Variants in IP6K3 observed in about 807,000 individuals in gnomAD.
IP6K3 encodes the protein inositol hexakisphosphate kinase 3, also known as ATP:1D-myo-inositol-hexakisphosphate phosphotransferase.
IP6K3 carries 20 observed loss-of-function variants against 28.8 expected under a neutral mutation model. That is an observed-to-expected ratio of 0.70 (90% CI 0.49 to 1.01). The LOEUF (loss-of-function observed/expected upper bound fraction) is 1.01. IP6K3 is among the 50% of genes least tolerant of loss of function. The pLI, the probability that IP6K3 is intolerant of heterozygous loss-of-function variation, is 0.00. For missense variants in IP6K3, 480 were observed against 537.1 expected, an observed-to-expected ratio of 0.89 and a Z score of 1.05; for synonymous variants, 213 against 221.3, an observed-to-expected ratio of 0.96 and a Z score of 0.33.
chr6:33,743,265 CT>C (rs942916612), intron 1 of IP6K3, among the ~76,000 whole-genome samples: 2 of 152,156 alleles, frequency 1.3e-5, no homozygotes, highest in African/African-American at 4.8e-5. Flanking sequence ...TAAGAAACAG[CT>C]TGTAGCAAAA....
At chr6:33,738,869 TCCCA>T (rs1582221214) in intron 1 of IP6K3, among the ~76,000 whole-genome samples, 1 of 152,272 alleles carries the variant, frequency 6.6e-6, no homozygotes, top group East Asian at 1.9e-4. Flanking sequence ...CTGTCCCCTA[TCCCA>T]CTTGATGACA....
chr6:33,735,501 G>A lies in IP6K3; in HGVS notation c.-25C>T. ...TGGCGGCAGATGGTGGTGGTGGGGG[G>A]TCCCTGCACAGTCTGCTAGAGGAAG... On this transcript the variant is annotated 5_prime_UTR_variant, in exon 2 of 6. Transcript: ENST00000293756. 6.2e-7 allele frequency: 1 copy of A among 1,602,184 alleles called. No individual in the cohort carries two copies. The highest frequency in any genetic ancestry group is 8.5e-7 in the Non-Finnish European group (1 of 1,178,636).
intron 3 of IP6K3, among the ~76,000 whole-genome samples, chr6:33,727,135 T>C (rs1005059239): frequency 6.6e-6 from 1 of 152,144 alleles, no homozygotes; most frequent in Non-Finnish European, 1.5e-5. Context: ...GAGAACTTAT[T>C]AGAACATGTT....
At position 33,744,073 on chromosome 6, in the gene IP6K3, G is replaced by A. The variant is rs192331424; in HGVS notation, c.-180+2685C>T. 1.9e-3 allele frequency among the ~76,000 whole-genome samples: 285 copies of A among 152,282 alleles called. 2 individuals carry two copies. The highest frequency in any genetic ancestry group is 6.5e-3 in the African/African-American group (269 of 41,554). On this transcript the variant is annotated intron_variant, in intron 1 of 5. Coordinates refer to ENST00000293756, the MANE Select transcript of IP6K3 (RefSeq NM_054111.5). This position sits in a 1 kb window ranked among gnomAD's most constrained non-coding sequence, Gnocchi z 4.4. ...GAAGTCAAGTGCCACTGGAAGGGCTGCTCTGGGGGAGGCAGAGGCTGCGAG... is the reference window on the plus strand; with the variant it reads ...GAAGTCAAGTGCCACTGGAAGGGCTACTCTGGGGGAGGCAGAGGCTGCGAG...
In IP6K3 at chr6:33,725,500, T is replaced by C. The variant is rs775163435; in HGVS notation, c.706A>G (p.Met236Val). ...GAGGTGCTCTGCGCACACTTCCTCA[T>C]GTGGCGGGCCTTCTTCTCCTCCGAT... The part of the protein sequence containing the change: ...DASEEKKARH[M>V]RKCAQSTSAC... The change falls in exon 5 of 6, where the codon ATG (methionine) becomes GTG (valine). Residue 236 changes from methionine (M) to valine (V), a missense_variant. Coordinates refer to ENST00000293756, the MANE Select transcript of IP6K3 (RefSeq NM_054111.5). 4.3e-6 allele frequency: 7 copies of C among 1,613,992 alleles called. No individual in the cohort carries two copies. The highest frequency in any genetic ancestry group is 5.9e-6 in the Non-Finnish European group (7 of 1,180,046).
In IP6K3 at chr6:33,726,769, G is replaced by A. The variant is rs902597106; in HGVS notation, c.551C>T (p.Thr184Ile). 2.5e-6 allele frequency: 4 copies of A among 1,605,798 alleles called. No homozygotes were observed. Among genetic ancestry groups the A allele is most frequent in the Admixed American group, 1.7e-5 (1 of 59,736 alleles). ...WGLQCHQAHL[T>I]RLCSEYPENK... ...CTCTGGGTACTCGGAGCACAGGCGG[G>A]TCAGGTGGGCCTGGTGGCATTGCAG... Residue 184 changes from threonine (T) to isoleucine (I), a missense_variant, in exon 4 of 6, where the codon ACC becomes ATC. Thr to Ile is a moderately conservative substitution (Grantham distance 89). Coordinates refer to ENST00000293756, the MANE Select transcript of IP6K3 (RefSeq NM_054111.5).
Position 33,728,295 on chromosome 6 carries a change from C to A in IP6K3, c.205G>T (p.Val69Phe), listed in dbSNP as rs766496518. The A allele has an allele frequency of 6.2e-7, 1 of 1,614,082 alleles. No homozygotes were observed. Among genetic ancestry groups the A allele is most frequent in the African/African-American group, 1.3e-5 (1 of 75,036 alleles). ...CTGTCTTTCCAGAGGTGCACTGTGACGGTACCTGCAAACACACAGGGAAGG... is the reference window on the plus strand; with the variant it reads ...CTGTCTTTCCAGAGGTGCACTGTGAAGGTACCTGCAAACACACAGGGAAGG... ...KRFTPQYKGT[V>F]TVHLWKDSTG... Residue 69 changes from valine (V) to phenylalanine (F), a missense_variant, in exon 3 of 6, where the codon GTC becomes TTC. Coordinates refer to ENST00000293756, the MANE Select transcript of IP6K3 (RefSeq NM_054111.5).
intron 2 of IP6K3, among the ~76,000 whole-genome samples, chr6:33,730,206 A>G (rs1293006994): frequency 6.6e-6 from 1 of 152,130 alleles, no homozygotes; most frequent in East Asian, 1.9e-4. Context: ...AAGGCGGCTC[A>G]TCTCTCGGCT....
chr6:33,749,640 G>A (rs1201636231), upstream of IP6K3, among the ~76,000 whole-genome samples: 3 of 151,366 alleles, frequency 2.0e-5, no homozygotes, highest in Non-Finnish European at 3.0e-5. Context: ...GGCCGTGTGT[G>A]TGTGTGTGCG....
chr6:33,722,894 G>A lies in IP6K3; in HGVS notation c.1059C>T (p.His353=), dbSNP rs752212391. ...PHPHEAPQAA[H]GSSPGGLTKV... ...TGGTGAGACCACCGGGAGAGCTACC[G>A]TGGGCTGCCTGGGGAGCCTCGTGAG... Residue 353 remains histidine, a synonymous_variant, in exon 6 of 6, where the codon CAC becomes CAT. Coordinates refer to ENST00000293756, the MANE Select transcript of IP6K3 (RefSeq NM_054111.5). 6 of 1,614,044 alleles carry A rather than the reference G, an allele frequency of 3.7e-6. No homozygotes were observed. Among genetic ancestry groups the A allele is most frequent in the South Asian group, 3.3e-5 (3 of 91,076 alleles).
At position 33,730,092 on chromosome 6, in the gene IP6K3, A is replaced by C. The variant is rs189137797; in HGVS notation, c.200-1792T>G. Among the ~76,000 whole-genome samples, 403 of 152,200 alleles carry C rather than the reference A, an allele frequency of 2.6e-3. 1 individual carries two copies. Among genetic ancestry groups the C allele is most frequent in the African/African-American group, 9.0e-3 (372 of 41,510 alleles). On this transcript the variant is annotated intron_variant, in intron 2 of 5. Coordinates refer to ENST00000293756, the MANE Select transcript of IP6K3 (RefSeq NM_054111.5). ...TTTTCTGCTGGGCCCTGACCGAAAG[A>C]GGGTAGGCCGCATGTTTTTATGTCC...
chr6:33,733,166 A>G (rs1766376368), intron 2 of IP6K3, among the ~76,000 whole-genome samples: 1 of 152,198 alleles, frequency 6.6e-6, no homozygotes, highest in Admixed American at 6.5e-5. Flanking sequence ...GCTTATATAG[A>G]AACATCATCT....
intron 2 of IP6K3, among the ~76,000 whole-genome samples, chr6:33,729,811 T>G (rs972801286): frequency 2.6e-5 from 4 of 152,140 alleles, no homozygotes; most frequent in African/African-American, 9.7e-5. Context: ...CCTCCCGGGT[T>G]CAAGCAGTTC....
At chr6:33,758,660 C>T in the IP6K3 span, among the ~76,000 whole-genome samples, 2,928 of 152,242 alleles carry the variant, frequency 0.019, 44 homozygotes, top group South Asian at 0.051. Flanking sequence ...AGTGCAGTGG[C>T]GCGAACTTGG....
chr6:33,721,992 G>C lies in IP6K3; in HGVS notation c.*728C>G. On this transcript the variant is annotated 3_prime_UTR_variant, in exon 6 of 6. Transcript: ENST00000293756. ...CGCGTCTCATGGTCAGAATGTGGCA[G>C]AATGGGGAACTCCAAAGTCTGCTAA... The C allele has an allele frequency of 6.6e-6, 1 of 152,398 alleles. No homozygotes were observed. The allele number at this position is 152,398 out of a possible 1,614,324, so 9.4% of individuals were successfully genotyped here.
chr6:33,748,851 G>GT (rs969022438), upstream of IP6K3, among the ~76,000 whole-genome samples: 6 of 147,710 alleles, frequency 4.1e-5, no homozygotes, highest in African/African-American at 1.6e-4. Context: ...CTGGTTTAAA[G>GT]TGGGGTGGGG....
rs1765958458 is a variant in IP6K3, at chr6:33,722,906, G to A, written c.1047C>T (p.Pro349=). Residue 349 remains proline (P), a synonymous_variant, in exon 6 of 6, where the codon CCC becomes CCT. Transcript: ENST00000293756. ...CGGGAGAGCTACCGTGGGCTGCCTG[G>A]GGAGCCTCGTGAGGATGCGGGCTGC... The part of the protein sequence containing the change: ...APGSPHPHEA[P]QAAHGSSPGG... The A allele has an allele frequency of 6.2e-7, 1 of 1,613,892 alleles. No homozygotes were observed. Among genetic ancestry groups the A allele is most frequent in the Non-Finnish European group, 8.5e-7 (1 of 1,179,996 alleles).
chr6:33,729,806 CG>C (rs761198923), intron 2 of IP6K3, among the ~76,000 whole-genome samples: 2 of 152,060 alleles, frequency 1.3e-5, no homozygotes, highest in African/African-American at 2.4e-5. Context: ...CTCCGCCTCC[CG>C]GGTTCAAGCA....
chr6:33,754,966 A>G, the IP6K3 span, among the ~76,000 whole-genome samples: 2 of 152,190 alleles, frequency 1.3e-5, no homozygotes, highest in East Asian at 3.8e-4. Flanking sequence ...ACTGAGACAC[A>G]GGCTTCTGAC....
Sources: allele counts gnomAD v4.1 joint callset (sites outside exome capture counted in the v4.1 genomes callset), GRCh38; gene constraint gnomAD v4.1.1; non-coding constraint Gnocchi (gnomAD v3.1); transcripts MANE v1.5; gene names NCBI Gene and HGNC (gene_info 2026-07-23, HGNC 2026-07-21).